RHAG: variants seen among roughly 807,000 people sequenced by gnomAD.
The protein encoded by RHAG is Rh associated glycoprotein, also known as ammonium transporter Rh type A.
Under a neutral mutation model 42.4 loss-of-function variants are expected in RHAG, and 25 were observed. The observed-to-expected ratio is 0.59, with a 90% confidence interval of 0.43 to 0.82. The LOEUF is 0.82. Among genes scored for constraint, RHAG ranks in the 40% least tolerant of loss-of-function variants. The pLI is 0.00. For missense variants in RHAG, 483 were observed against 504.6 expected, an observed-to-expected ratio of 0.96 and a Z score of 0.41; for synonymous variants, 182 against 177.7, an observed-to-expected ratio of 1.02 and a Z score of -0.19.
At chr6:49,625,993 GC>G (rs1010538793) in intron 1 of RHAG, among the ~76,000 whole-genome samples, 2 of 151,878 alleles carry the variant, frequency 1.3e-5, no homozygotes, top group African/African-American at 4.8e-5. Flanking sequence ...GGAAAGAGTG[GC>G]CCCCGTGTTT....
At position 49,605,245 on chromosome 6, in the gene RHAG, G is replaced by A. The variant is rs2127348783; in HGVS notation, c.*568C>T. The A allele has an allele frequency of 6.4e-6, 1 of 155,824 alleles. No individual in the cohort carries two copies. The highest frequency in any genetic ancestry group is 1.4e-5 in the Non-Finnish European group (1 of 70,024). 9.7% of individuals were successfully genotyped at this position (155,824 alleles called of 1,614,324 possible). On this transcript the variant is annotated 3_prime_UTR_variant, in exon 10 of 10. Coordinates refer to ENST00000371175, the MANE Select transcript of RHAG (RefSeq NM_000324.3). ...TAGACTTTGATCAGATAGCATTTGA[G>A]CTCGTTGCAAATAGTCAACATGCAA...
At chr6:49,622,464 C>A (rs1347177747) in intron 1 of RHAG, among the ~76,000 whole-genome samples, 1 of 152,064 alleles carries the variant, frequency 6.6e-6, no homozygotes, top group Admixed American at 6.5e-5. Context: ...CCCTCCTTGG[C>A]TTCCTAAAGT....
chr6:49,619,051 C>T, intron 2 of RHAG, 128 bp downstream of exon 2: 2 of 994,964 alleles, frequency 2.0e-6, no homozygotes, highest in Non-Finnish European at 3.1e-6. Context: ...CATTCATAAA[C>T]ACTCTGCCTT....
chr6:49,610,283 T>A (rs1016659869), intron 7 of RHAG, among the ~76,000 whole-genome samples: 1 of 152,232 alleles, frequency 6.6e-6, no homozygotes, highest in African/African-American at 2.4e-5. Flanking sequence ...TTACTCTGTG[T>A]GATCTGGACT....
At chr6:49,624,187 TA>T (rs1762806689) in intron 1 of RHAG, among the ~76,000 whole-genome samples, 1 of 152,208 alleles carries the variant, frequency 6.6e-6, no homozygotes, top group Admixed American at 6.5e-5. Flanking sequence ...ATTTATTTAT[TA>T]CTTATTATTT....
intron 7 of RHAG, 130 bp from the exon 8 acceptor site, chr6:49,607,350 A>G: frequency 2.7e-6 from 2 of 735,428 alleles, no homozygotes; most frequent in South Asian, 1.5e-5. Flanking sequence ...CAAATTAAGC[A>G]TTTGTTACAA....
intron 5 of RHAG, among the ~76,000 whole-genome samples, chr6:49,613,870 T>C (rs1351875733): frequency 6.6e-6 from 1 of 152,190 alleles, no homozygotes; most frequent in Non-Finnish European, 1.5e-5. Flanking sequence ...ATTAAAGACA[T>C]TTGAATTTCA....
intron 3 of RHAG, among the ~76,000 whole-genome samples, chr6:49,616,944 G>T (rs1259561829): frequency 6.6e-6 from 1 of 152,138 alleles, no homozygotes; most frequent in Non-Finnish European, 1.5e-5. Flanking sequence ...CAAATACCAT[G>T]TGAGTCTGTG....
intron 6 of RHAG, among the ~76,000 whole-genome samples, chr6:49,611,939 G>T (rs896080678): frequency 2.6e-5 from 4 of 151,662 alleles, no homozygotes; most frequent in African/African-American, 7.3e-5. Context: ...GTAGAGACGG[G>T]GGTTTCACCA....
In RHAG at chr6:49,614,818, T is replaced by G; in HGVS notation, c.676A>C (p.Asn226His). The G allele has an allele frequency of 6.2e-7, 1 of 1,614,222 alleles. No individual in the cohort carries two copies. The highest frequency in any genetic ancestry group is 2.2e-5 in the East Asian group (1 of 44,884). The change falls in exon 5 of 10, where the codon AAC becomes CAC. Residue 226 changes from asparagine (N) to histidine (H), a missense_variant. Transcript: ENST00000371175. ...TCTCCAGGTTCAGCAATGGCCGAGT[T>G]AAAGCTGGGCCAAAACATCCACAGA... is the stretch of plus-strand genomic sequence containing the variant. ...LFLWMFWPSF[N>H]SAIAEPGDKQ...
chr6:49,624,369 T>A (rs1214518491), intron 1 of RHAG, among the ~76,000 whole-genome samples: 1 of 151,886 alleles, frequency 6.6e-6, no homozygotes, highest in Non-Finnish European at 1.5e-5. Flanking sequence ...CCACACCTGG[T>A]TAATTTTGTA....
chr6:49,618,002 C>A, intron 3 of RHAG, 66 bp downstream of exon 3: 1 of 1,428,998 alleles, frequency 7.0e-7, no homozygotes, highest in East Asian at 2.3e-5. Context: ...CCGTAGACAC[C>A]CATTGTTTTT....
chr6:49,621,985 C>CTT (rs533850712), intron 1 of RHAG, among the ~76,000 whole-genome samples: 2 of 140,080 alleles, frequency 1.4e-5, no homozygotes, highest in African/African-American at 5.2e-5. Flanking sequence ...TCCTAACATT[C>CTT]TTTTTTTTTT....
intron 1 of RHAG, among the ~76,000 whole-genome samples, chr6:49,622,220 T>C (rs1422617009): frequency 6.6e-6 from 1 of 150,472 alleles, no homozygotes; most frequent in East Asian, 2.0e-4. Context: ...CTGATGGTTT[T>C]TTTTTTTTTT....
rs114042395 is a variant in RHAG at position 49,636,730 on chromosome 6, G to A, written c.83C>T (p.Thr28Met). The A allele has an allele frequency of 3.5e-4, 566 of 1,613,890 alleles. 3 individuals carry two copies. In the African/African-American group the frequency reaches 5.0e-3, roughly 14 times the overall value. ...VLFGLFVEYE[T>M]DQTVLEQLNI... The stretch of plus-strand genomic sequence containing the variant: ...GAGCTGCTCGAGAACAGTCTGGTCC[G>A]TTTCATACTCAACAAATAATCCAAA... Residue 28 changes from threonine (T) to methionine (M), a missense_variant, in exon 1 of 10, where the codon ACG becomes ATG. Physicochemically the swap from Thr to Met is moderately conservative, Grantham distance 81. Coordinates refer to ENST00000371175, the MANE Select transcript of RHAG (RefSeq NM_000324.3).
At position 49,607,152 on chromosome 6, in the gene RHAG, G is replaced by A; in HGVS notation, c.1136C>T (p.Thr379Ile). Reference sequence around the variant, plus strand: ...AAGTGTTCACTTTTTATGCTGACCTGTCATCAGACCTCCAACAACTGCTGT... The same window carrying A: ...AAGTGTTCACTTTTTATGCTGACCTATCATCAGACCTCCAACAACTGCTGT... ...IGTAVVGGLM[T>I]GLILKLPLWG... is the part of the protein sequence containing the mutation. Residue 379 changes from threonine (T) to isoleucine (I), a missense_variant and splice_region_variant, in exon 8 of 10, where the codon ACA (threonine) becomes ATA (isoleucine). Transcript: ENST00000371175. 3 of 1,612,228 alleles carry A rather than the reference G, an allele frequency of 1.9e-6. No homozygotes were observed. Among genetic ancestry groups the A allele is most frequent in the Non-Finnish European group, 2.5e-6 (3 of 1,178,448 alleles).
chr6:49,622,175 T>G (rs1225624308), intron 1 of RHAG, among the ~76,000 whole-genome samples: 1 of 151,422 alleles, frequency 6.6e-6, no homozygotes, highest in Admixed American at 6.6e-5. Flanking sequence ...GTCCTTCCCG[T>G]GCTGTTCTCT....
chr6:49,612,852 C>T (rs1762590414), intron 5 of RHAG, among the ~76,000 whole-genome samples: 1 of 152,018 alleles, frequency 6.6e-6, no homozygotes, highest in South Asian at 2.1e-4. Flanking sequence ...AATATTCTCG[C>T]AATGTTTTTT....
At chr6:49,633,319 C>T (rs184735870) in intron 1 of RHAG, among the ~76,000 whole-genome samples, 15 of 152,150 alleles carry the variant, frequency 9.9e-5, no homozygotes, top group African/African-American at 3.6e-4. Context: ...TAGGTAGGCA[C>T]CCAAAATGTT....
Sources: gnomAD v4.1 joint callset for allele counts (sites outside exome capture counted in the v4.1 genomes callset) on GRCh38, gnomAD v4.1.1 for gene constraint, MANE v1.5 for transcripts, NCBI Gene and HGNC (gene_info 2026-07-23, HGNC 2026-07-21) for gene names.